The following C13orf42 variants were observed in gnomAD, a reference collection of about 807,000 sequenced individuals.
The protein encoded by C13orf42 is chromosome 13 open reading frame 42.
intron 1 of C13orf42, among the ~76,000 whole-genome samples, chr13:51,104,774 TAAA>T (rs11336196): frequency 6.4e-5 from 9 of 140,668 alleles, no homozygotes; most frequent in African/African-American, 7.9e-5. Context: ...GCTATTATAT[TAAA>T]AAAAAAAAAA....
chr13:51,138,127 G>C (rs974211067), intron 1 of C13orf42, among the ~76,000 whole-genome samples: 1 of 152,196 alleles, frequency 6.6e-6, no homozygotes, highest in African/African-American at 2.4e-5. Context: ...CCCTGGCGAG[G>C]AGGAGGGGCA....
chr13:51,098,743 A>G (rs2137987988), intron 1 of C13orf42, among the ~76,000 whole-genome samples: 1 of 152,330 alleles, frequency 6.6e-6, no homozygotes, highest in East Asian at 1.9e-4. Context: ...GTGTGGTTCA[A>G]ACAATGACAC....
chr13:51,087,726 A>G (rs561783706), intron 2 of C13orf42, among the ~76,000 whole-genome samples: 1 of 152,202 alleles, frequency 6.6e-6, no homozygotes. Context: ...CAGCACAGAA[A>G]ACTGAAGTAA....
intron 1 of C13orf42, among the ~76,000 whole-genome samples, chr13:51,121,984 C>G (rs546438436): frequency 1.3e-5 from 2 of 152,170 alleles, no homozygotes; most frequent in South Asian, 2.1e-4. Context: ...CAATGTAAAA[C>G]AGTATATACA....
At chr13:51,095,446 T>C (rs1472293114) in intron 1 of C13orf42, among the ~76,000 whole-genome samples, 1 of 152,208 alleles carries the variant, frequency 6.6e-6, no homozygotes, top group African/African-American at 2.4e-5. Flanking sequence ...CTATTTCTTC[T>C]TCTCTGGGAT....
intron 1 of C13orf42, among the ~76,000 whole-genome samples, chr13:51,106,174 T>C (rs1258296206): frequency 2.0e-5 from 3 of 152,312 alleles, no homozygotes; most frequent in African/African-American, 7.2e-5. Flanking sequence ...AAGATGGAGA[T>C]AAATTCCATC....
upstream of C13orf42, among the ~76,000 whole-genome samples, chr13:51,114,557 G>GT (rs1320601794): frequency 6.6e-6 from 1 of 152,048 alleles, no homozygotes; most frequent in Non-Finnish European, 1.5e-5. Context: ...AGGTTCACTT[G>GT]TGGTGAGTGG....
At chr13:51,101,134 T>G (rs1953285505) in intron 1 of C13orf42, among the ~76,000 whole-genome samples, 1 of 152,198 alleles carries the variant, frequency 6.6e-6, no homozygotes. Context: ...ATTTTTCATA[T>G]AAATACATGC....
chr13:51,131,593 T>C (rs1450789414), intron 1 of C13orf42, among the ~76,000 whole-genome samples: 1 of 152,238 alleles, frequency 6.6e-6, no homozygotes, highest in African/African-American at 2.4e-5. Context: ...CATAGGTATT[T>C]GAGGGTACAA....
At chr13:51,167,957 G>C (rs1953914739) in intron 1 of C13orf42, among the ~76,000 whole-genome samples, 1 of 152,154 alleles carries the variant, frequency 6.6e-6, no homozygotes, top group Non-Finnish European at 1.5e-5. Context: ...AAGCTATCCA[G>C]CTGCTGCCTC....
chr13:51,104,704 C>T (rs1422344049), intron 1 of C13orf42, among the ~76,000 whole-genome samples: 4 of 149,608 alleles, frequency 2.7e-5, no homozygotes, highest in Non-Finnish European at 3.0e-5. Flanking sequence ...AATACTGAAT[C>T]GACTAAAAAC....
At chr13:51,141,374 T>C (rs932033415) in intron 1 of C13orf42, among the ~76,000 whole-genome samples, 1 of 151,944 alleles carries the variant, frequency 6.6e-6, no homozygotes, top group Non-Finnish European at 1.5e-5. Flanking sequence ...TTAAAAAAAG[T>C]GGGGGACTCT....
intron 1 of C13orf42, among the ~76,000 whole-genome samples, chr13:51,145,704 T>A (rs928209642): frequency 1.2e-4 from 16 of 131,592 alleles, no homozygotes; most frequent in African/African-American, 4.7e-4. Context: ...TTGGAAAGAC[T>A]AATGAGAAAC....
At chr13:51,143,336 A>G (rs1042656799) in intron 1 of C13orf42, among the ~76,000 whole-genome samples, 3 of 152,328 alleles carry the variant, frequency 2.0e-5, no homozygotes, top group East Asian at 3.9e-4. Context: ...GAAAGATAAA[A>G]TAAGTTCAGT....
chr13:51,131,444 C>T (rs1953615724), intron 1 of C13orf42, among the ~76,000 whole-genome samples: 1 of 152,148 alleles, frequency 6.6e-6, no homozygotes, highest in Admixed American at 6.5e-5. Context: ...CTACACAGTC[C>T]CTGTACAGGT....
intron 1 of C13orf42, among the ~76,000 whole-genome samples, chr13:51,148,595 G>C (rs1236310384): frequency 6.6e-6 from 1 of 152,306 alleles, no homozygotes; most frequent in East Asian, 1.9e-4. Context: ...CCCCCTGGAG[G>C]GGGGTCCAAT....
intron 1 of C13orf42, among the ~76,000 whole-genome samples, chr13:51,158,427 C>T (rs546845769): frequency 6.6e-6 from 1 of 152,330 alleles, no homozygotes; most frequent in South Asian, 2.1e-4. Context: ...TTAAAAGCAC[C>T]TCCCTCATCA....
At chr13:51,124,757 T>C (rs1224810418) in intron 1 of C13orf42, among the ~76,000 whole-genome samples, 1 of 152,144 alleles carries the variant, frequency 6.6e-6, no homozygotes, top group Non-Finnish European at 1.5e-5. Flanking sequence ...TCCTGGCAAA[T>C]GTTAGAGAAC....
intron 1 of C13orf42, among the ~76,000 whole-genome samples, chr13:51,143,080 T>C (rs1160363354): frequency 6.6e-6 from 1 of 152,216 alleles, no homozygotes; most frequent in East Asian, 1.9e-4. Flanking sequence ...CTGTATATGC[T>C]TTTAAAGTCC....
Sources: allele counts gnomAD v4.1 joint callset (sites outside exome capture counted in the v4.1 genomes callset), GRCh38; gene constraint gnomAD v4.1.1; transcripts MANE v1.5; gene names NCBI Gene and HGNC (gene_info 2026-07-23, HGNC 2026-07-21).